SORCS3: variants seen among roughly 807,000 people sequenced by gnomAD.
SORCS3 encodes the protein sortilin related VPS10 domain containing receptor 3.
Under a neutral mutation model 146.3 loss-of-function variants are expected in SORCS3, and 57 were observed. The observed-to-expected ratio is 0.39, with a 90% CI of 0.31 to 0.49. The LOEUF is 0.49. Ranked by LOEUF, SORCS3 falls within the 20% of genes least tolerant of loss-of-function variation. The pLI is 0.92. For synonymous variants in SORCS3, 653 were observed against 618.5 expected, an observed-to-expected ratio of 1.06 and a Z score of -0.83; for missense variants, 1,341 against 1,575.5, an observed-to-expected ratio of 0.85 and a Z score of 2.52.
intron 14 of SORCS3, among the ~76,000 whole-genome samples, chr10:105,196,480 C>T (rs1271121675): frequency 1.3e-5 from 2 of 152,144 alleles, no homozygotes; most frequent in Non-Finnish European, 2.9e-5. Flanking sequence ...TGATGCATGC[C>T]TGTAATCCCA....
intron 20 of SORCS3, among the ~76,000 whole-genome samples, chr10:105,239,358 T>C (rs1470514127): frequency 2.0e-5 from 3 of 152,224 alleles, no homozygotes; most frequent in African/African-American, 7.2e-5. Flanking sequence ...TATCAAGGTA[T>C]GCATTTTAAG....
rs10644058 is a variant in SORCS3, at chr10:104,786,549, AAATAAT to A, written c.628-56220_628-56215del. On this transcript the variant is annotated intron_variant, in intron 1 of 26. Coordinates refer to ENST00000369701, the MANE Select transcript of SORCS3 (RefSeq NM_014978.3). ...GGCTACAAGTATGAAACTCCATCTA[AAATAAT>A]AATAATAATAATAATAATAATAGTG... Among the ~76,000 whole-genome samples the A allele has an allele frequency of 1.0e-4, 14 of 140,532 alleles. 1 individual carries two copies. Among genetic ancestry groups the A allele is most frequent in the African/African-American group, 3.0e-4 (11 of 37,112 alleles). The allele number at this position is 140,532 out of a possible 152,430, so 92.2% of individuals were successfully genotyped here.
intron 1 of SORCS3, among the ~76,000 whole-genome samples, chr10:104,751,514 T>C (rs2016983025): frequency 6.6e-6 from 1 of 152,084 alleles, no homozygotes; most frequent in Non-Finnish European, 1.5e-5. Flanking sequence ...AGGTAAGGGT[T>C]AAGTAGACAC....
At chr10:105,085,726 T>G (rs577780701) in intron 5 of SORCS3, among the ~76,000 whole-genome samples, 44 of 152,262 alleles carry the variant, frequency 2.9e-4, no homozygotes, top group African/African-American at 1.0e-3. Context: ...GGATTCAGAT[T>G]TAAGGACCTT....
intron 3 of SORCS3, among the ~76,000 whole-genome samples, chr10:104,930,389 A>G (rs1394772114): frequency 6.6e-6 from 1 of 152,200 alleles, no homozygotes; most frequent in Non-Finnish European, 1.5e-5. Context: ...CCTGGCTTAG[A>G]TGGGTACCAT....
At chr10:105,130,036 T>C (rs998041411) in intron 7 of SORCS3, among the ~76,000 whole-genome samples, 14 of 152,148 alleles carry the variant, frequency 9.2e-5, no homozygotes, top group Admixed American at 6.6e-4. Flanking sequence ...CATTTTTGCC[T>C]CCAGTTCTGC....
chr10:105,173,567 A>C (rs2056377118), intron 13 of SORCS3, among the ~76,000 whole-genome samples: 1 of 152,096 alleles, frequency 6.6e-6, no homozygotes, highest in African/African-American at 2.4e-5. Flanking sequence ...TGGTCTCTTA[A>C]ATTACCACCC....
chr10:105,237,647 A>G (rs1335352454), intron 20 of SORCS3, among the ~76,000 whole-genome samples: 1 of 152,172 alleles, frequency 6.6e-6, no homozygotes, highest in Non-Finnish European at 1.5e-5. Context: ...AAATGAATGA[A>G]TGTCTCTGCA....
intron 1 of SORCS3, among the ~76,000 whole-genome samples, chr10:104,831,553 G>C (rs1333144537): frequency 6.6e-6 from 1 of 152,190 alleles, no homozygotes; most frequent in East Asian, 1.9e-4. Flanking sequence ...ACTTAGTATA[G>C]TGCTGCAGCA....
At chr10:104,684,633 T>G (rs962883374) in intron 1 of SORCS3, among the ~76,000 whole-genome samples, 1 of 151,994 alleles carries the variant, frequency 6.6e-6, no homozygotes, top group Non-Finnish European at 1.5e-5. Flanking sequence ...TGTGGGCAGT[T>G]TTTTTTCACT....
chr10:105,053,686 C>T (rs933922520), intron 5 of SORCS3, among the ~76,000 whole-genome samples: 8 of 151,770 alleles, frequency 5.3e-5, no homozygotes, highest in Non-Finnish European at 8.8e-5. Flanking sequence ...TGAACATTCT[C>T]CTGTGCCATC....
intron 19 of SORCS3, 33 bp from the exon 20 acceptor site, chr10:105,223,083 A>G: frequency 6.3e-7 from 1 of 1,578,824 alleles, no homozygotes; most frequent in Non-Finnish European, 8.6e-7. Context: ...CATCCAGAAT[A>G]TAAACACTGA....
At chr10:104,922,407 A>T (rs929652878) in intron 3 of SORCS3, among the ~76,000 whole-genome samples, 19 of 152,232 alleles carry the variant, frequency 1.2e-4, no homozygotes, top group Admixed American at 5.9e-4. Context: ...CTGGGCAGAC[A>T]AGATGCACCG....
chr10:104,698,326 C>T lies in SORCS3; in HGVS notation c.627+56372C>T, dbSNP rs574511545. Among the ~76,000 whole-genome samples, 16 of 152,252 alleles carry T rather than the reference C, an allele frequency of 1.1e-4. No homozygotes were observed. The South Asian group carries it at 3.1e-3, about 30-fold the overall frequency. On this transcript the variant is annotated intron_variant, in intron 1 of 26. Coordinates refer to ENST00000369701, the MANE Select transcript of SORCS3 (RefSeq NM_014978.3). ...CTGATTTCCTGTTTTGTGGTCATTG[C>T]ACTCTTTTTTGCAAATAACAACTCA...
intron 14 of SORCS3, among the ~76,000 whole-genome samples, chr10:105,186,347 A>G (rs1319950977): frequency 1.3e-5 from 2 of 152,240 alleles, no homozygotes; most frequent in Admixed American, 1.3e-4. Context: ...TATCTCCCAT[A>G]GCACTGAACA....
At chr10:104,875,241 C>A (rs2018559536) in intron 2 of SORCS3, among the ~76,000 whole-genome samples, 1 of 152,066 alleles carries the variant, frequency 6.6e-6, no homozygotes, top group South Asian at 2.1e-4. Context: ...ACAATTATAC[C>A]CTGACTTCTG....
At chr10:104,700,513 C>T (rs530504056) in intron 1 of SORCS3, among the ~76,000 whole-genome samples, 1 of 152,174 alleles carries the variant, frequency 6.6e-6, no homozygotes, top group Non-Finnish European at 1.5e-5. Context: ...AAATTGTTGA[C>T]CCCACTTGGA....
At position 105,105,397 on chromosome 10, in the gene SORCS3, A is replaced by G. The variant is rs2055813779; in HGVS notation, c.1094A>G (p.Tyr365Cys). 1.2e-6 allele frequency: 2 copies of G among 1,610,132 alleles called. No homozygotes were observed. The highest frequency in any genetic ancestry group is 1.1e-5 in the South Asian group (1 of 90,972). Reference protein sequence around the residue: ...VHMEVRTTDGYAHYLTCRIQE... With the variant: ...VHMEVRTTDGCAHYLTCRIQE... ...GCATCACTCTACCCTCCTGTTTCAG[A>G]TGCTCACTACCTCACCTGCAGGATC... Residue 365 changes from tyrosine to cysteine, a missense_variant and splice_region_variant, in exon 7 of 27, where the codon TAT becomes TGT. By Grantham distance (194) the Tyr-to-Cys change is radical. Transcript: ENST00000369701.
chr10:104,771,509 A>G (rs28493270), intron 1 of SORCS3, among the ~76,000 whole-genome samples: 1 of 152,258 alleles, frequency 6.6e-6, no homozygotes, highest in East Asian at 1.9e-4. Context: ...GCCAGGGTTC[A>G]TCCTCGGGAC....
Sources: allele counts gnomAD v4.1 joint callset (sites outside exome capture counted in the v4.1 genomes callset), GRCh38; gene constraint gnomAD v4.1.1; transcripts MANE v1.5; gene names NCBI Gene and HGNC (gene_info 2026-07-23, HGNC 2026-07-21).